The following TCF12 variants were observed in gnomAD, a reference collection of about 807,000 sequenced individuals.
TCF12 encodes the protein transcription factor 12.
Under a neutral mutation model 86.0 loss-of-function variants are expected in TCF12, and 45 were observed. The observed-to-expected ratio is 0.52, with a 90% confidence interval of 0.41 to 0.67. The LOEUF is 0.67. Among genes scored for constraint, TCF12 ranks in the 30% least tolerant of loss-of-function variants. The pLI, the probability that TCF12 is intolerant of heterozygous loss-of-function variation, is 0.00. For missense variants in TCF12, 881 were observed against 859.9 expected, an observed-to-expected ratio of 1.02 and a Z score of -0.31; for synonymous variants, 330 against 299.6, an observed-to-expected ratio of 1.10 and a Z score of -1.05.
At position 57,031,240 on chromosome 15, in the gene TCF12, G is replaced by A. The variant is rs545076744; in HGVS notation, c.149-32510G>A. On this transcript the variant is annotated intron_variant, in intron 3 of 20. Coordinates refer to ENST00000333725, the MANE Select transcript of TCF12 (RefSeq NM_207037.2). Reference sequence around the variant, plus strand: ...TTCAGAATGTTGGCTCCTGTCAAGTGATTGCTAAGGGCTAGATGTGGCCTT... The same window carrying A: ...TTCAGAATGTTGGCTCCTGTCAAGTAATTGCTAAGGGCTAGATGTGGCCTT... Among the ~76,000 whole-genome samples, 7 of 152,302 alleles carry A rather than the reference G, an allele frequency of 4.6e-5. No homozygotes were observed. In the East Asian group the frequency reaches 1.3e-3, roughly 29 times the overall value.
At chr15:57,274,749 T>C (rs1310737143) in intron 19 of TCF12, among the ~76,000 whole-genome samples, 2 of 152,212 alleles carry the variant, frequency 1.3e-5, no homozygotes, top group Non-Finnish European at 2.9e-5. Context: ...ACTGCCTCCA[T>C]CTCAGCTGTA....
rs141398513 is a variant in TCF12 at position 57,048,709 on chromosome 15, C to T, written c.149-15041C>T. 1.3e-3 allele frequency among the ~76,000 whole-genome samples: 192 copies of T among 152,018 alleles called. 1 individual carries two copies. The highest frequency in any genetic ancestry group is 4.3e-3 in the African/African-American group (180 of 41,446). On this transcript the variant is annotated intron_variant, in intron 3 of 20. Transcript: ENST00000333725. ...TTACAATTTTAATGAACATAATTTG[C>T]TGCTGTTTGTTTGATTTCTGTATGT...
intron 19 of TCF12, among the ~76,000 whole-genome samples, chr15:57,279,561 C>T (rs1444411902): frequency 6.6e-6 from 1 of 152,136 alleles, no homozygotes; most frequent in Non-Finnish European, 1.5e-5. Context: ...ATTTATTTCA[C>T]ATTTCCTAGA....
intron 5 of TCF12, among the ~76,000 whole-genome samples, chr15:57,125,342 T>C (rs568341152): frequency 6.6e-6 from 1 of 152,354 alleles, no homozygotes; most frequent in East Asian, 1.9e-4. Flanking sequence ...TTGTAGTAGA[T>C]CCAGCTGTTA....
At chr15:57,093,206 A>G (rs2049103999) in intron 5 of TCF12, among the ~76,000 whole-genome samples, 1 of 152,210 alleles carries the variant, frequency 6.6e-6, no homozygotes, top group African/African-American at 2.4e-5. Context: ...TTTACAATAA[A>G]TTATTTGGCT....
intron 6 of TCF12, among the ~76,000 whole-genome samples, chr15:57,190,540 A>C (rs79857345): frequency 0.04 from 6,151 of 152,194 alleles, 376 homozygotes; most frequent in Admixed American, 0.17. Flanking sequence ...TATCTTCTCA[A>C]GTGTATTCAA....
intron 18 of TCF12, among the ~76,000 whole-genome samples, chr15:57,264,585 C>A (rs771713890): frequency 5.9e-5 from 9 of 151,956 alleles, no homozygotes; most frequent in Non-Finnish European, 1.2e-4. Flanking sequence ...AAAACTAAGA[C>A]ACAAACACAC....
intron 5 of TCF12, among the ~76,000 whole-genome samples, chr15:57,092,269 TGA>T (rs2049038944): frequency 6.6e-6 from 1 of 152,214 alleles, no homozygotes; most frequent in South Asian, 2.1e-4. Context: ...GACATAGCAG[TGA>T]TTTTAGGCAG....
At chr15:57,151,521 C>T (rs563239273) in intron 5 of TCF12, among the ~76,000 whole-genome samples, 45 of 152,140 alleles carry the variant, frequency 3.0e-4, no homozygotes, top group Admixed American at 1.2e-3. Context: ...AATCTCAGCA[C>T]GTTGAGAGGC....
At chr15:57,290,341 C>CA (rs149851542), downstream of TCF12, among the ~76,000 whole-genome samples, 53 of 103,062 alleles carry the variant, frequency 5.1e-4, no homozygotes, top group African/African-American at 9.5e-4. Context: ...AAAACTGTCT[C>CA]AAAAAAAAAA....
chr15:57,004,970 T>G (rs2064262927), intron 3 of TCF12, among the ~76,000 whole-genome samples: 1 of 152,210 alleles, frequency 6.6e-6, no homozygotes. Context: ...TAGAGGACTG[T>G]TTTTTCTTCC....
At chr15:57,011,063 T>A (rs1287569034) in intron 3 of TCF12, among the ~76,000 whole-genome samples, 1 of 152,182 alleles carries the variant, frequency 6.6e-6, no homozygotes, top group East Asian at 1.9e-4. Flanking sequence ...CTAGACTCTG[T>A]ATAAAATGGT....
At position 57,222,389 on chromosome 15, in the gene TCF12, T is replaced by G. The variant is rs185434187; in HGVS notation, c.580-8763T>G. Reference sequence around the variant, plus strand: ...TTTATTCTTGGATATGTAACAGACTTGGGCATGTAGGTGTAGAAAAGAAAA... The same window carrying G: ...TTTATTCTTGGATATGTAACAGACTGGGGCATGTAGGTGTAGAAAAGAAAA... On this transcript the variant is annotated intron_variant, in intron 8 of 20. Coordinates refer to ENST00000333725, the MANE Select transcript of TCF12 (RefSeq NM_207037.2). Among the ~76,000 whole-genome samples, 4 of 152,086 alleles carry G rather than the reference T, an allele frequency of 2.6e-5. No homozygotes were observed. In the East Asian group the frequency reaches 5.8e-4, roughly 22 times the overall value.
intron 3 of TCF12, among the ~76,000 whole-genome samples, chr15:56,935,882 C>G (rs2060448123): frequency 6.6e-6 from 1 of 152,070 alleles, no homozygotes; most frequent in Non-Finnish European, 1.5e-5. Flanking sequence ...TATACAGTTT[C>G]TTTATCCACT....
Position 57,273,582 on chromosome 15 carries a change from C to A in TCF12, c.1978+320C>A, listed in dbSNP as rs935325. ...TTCTGATCTCTCAACCATTAAATTTCCCTGCCTGGACCTGCCCTCCTCCCT... is the reference window on the plus strand; with the variant it reads ...TTCTGATCTCTCAACCATTAAATTTACCTGCCTGGACCTGCCCTCCTCCCT... On this transcript the variant is annotated intron_variant, in intron 19 of 20. Transcript: ENST00000333725. Among the ~76,000 whole-genome samples the A allele has an allele frequency of 0.99, 150,434 of 152,088 alleles. 74,424 individuals are homozygous for A. The highest frequency in any genetic ancestry group is 1 in the Middle Eastern group (294 of 294).
chr15:57,208,490 C>G (rs1232407771), intron 8 of TCF12, among the ~76,000 whole-genome samples: 4 of 138,114 alleles, frequency 2.9e-5, no homozygotes, highest in Non-Finnish European at 6.1e-5. Flanking sequence ...TCAAGTGATC[C>G]TCACACCTCA....
intron 3 of TCF12, among the ~76,000 whole-genome samples, chr15:56,952,464 A>G (rs916817447): frequency 6.6e-6 from 1 of 151,962 alleles, no homozygotes; most frequent in Non-Finnish European, 1.5e-5. Flanking sequence ...CATAAAATTT[A>G]TAGATCAATT....
At chr15:56,970,180 C>A (rs2062216590) in intron 3 of TCF12, among the ~76,000 whole-genome samples, 1 of 152,032 alleles carries the variant, frequency 6.6e-6, no homozygotes, top group African/African-American at 2.4e-5. Context: ...AAATGGTTAA[C>A]CATTTGGAAA....
chr15:57,150,075 G>C (rs2053633180), intron 5 of TCF12, among the ~76,000 whole-genome samples: 1 of 152,102 alleles, frequency 6.6e-6, no homozygotes, highest in African/African-American at 2.4e-5. Flanking sequence ...GGAAGATTCT[G>C]GGCCACAGCA....
Sources: gnomAD v4.1 joint callset for allele counts (sites outside exome capture counted in the v4.1 genomes callset) on GRCh38, gnomAD v4.1.1 for gene constraint, MANE v1.5 for transcripts, NCBI Gene and HGNC (gene_info 2026-07-23, HGNC 2026-07-21) for gene names.